Variants in TADA1 observed in about 807,000 individuals in gnomAD.
The protein encoded by TADA1 is transcriptional adapter 1.
Under a neutral mutation model 39.3 loss-of-function variants are expected in TADA1, and 23 were observed. That is an observed-to-expected ratio of 0.58 (90% CI 0.42 to 0.83). The LOEUF is 0.83. Among genes scored for constraint, TADA1 ranks in the 40% least tolerant of loss-of-function variants. TADA1 has a pLI of 0.00. For missense variants in TADA1, 352 were observed against 408.1 expected, an observed-to-expected ratio of 0.86 and a Z score of 1.18; for synonymous variants, 137 against 151.8, an observed-to-expected ratio of 0.90 and a Z score of 0.72.
In TADA1 at chr1:166,857,529, A is replaced by G. The variant is rs187909451; in HGVS notation, c.*38T>C. On this transcript the variant is annotated 3_prime_UTR_variant, in exon 8 of 8. Transcript: ENST00000367874. ...AAAAACATTCAATTTTCAGTAATCA[A>G]TGAATTCGGTGAGGGTCCCACACCC... 2.9e-5 allele frequency: 47 copies of G among 1,606,928 alleles called. No individual in the cohort carries two copies. The African/African-American group carries it at 5.5e-4, about 19-fold the overall frequency.
chr1:166,869,260 TAA>T (rs960632138), intron 3 of TADA1, 183 bp downstream of exon 3: 10 of 534,994 alleles, frequency 1.9e-5, no homozygotes, highest in Non-Finnish European at 3.4e-5. Context: ...TTCTTAAAAA[TAA>T]AGAGTTTCTG....
intron 7 of TADA1, among the ~76,000 whole-genome samples, 190 bp from the exon 8 acceptor site, chr1:166,857,909 AT>A (rs888187165): frequency 6.6e-6 from 1 of 152,182 alleles, no homozygotes; most frequent in East Asian, 1.9e-4. Context: ...AGAACAAGGG[AT>A]TTTTTTTCTT....
intron 1 of TADA1, among the ~76,000 whole-genome samples, chr1:166,872,723 A>G (rs2101796885): frequency 6.6e-6 from 1 of 151,916 alleles, no homozygotes; most frequent in East Asian, 1.9e-4. Context: ...TTCACCTTCC[A>G]CCATGAGTGA....
In TADA1 at chr1:166,857,993, T is replaced by A. The variant is rs1453574168; in HGVS notation, c.855+126A>T. 12 of 1,259,356 alleles carry A rather than the reference T, an allele frequency of 9.5e-6. No individual in the cohort carries two copies. In the African/African-American group the frequency reaches 1.8e-4, roughly 19 times the overall value. The allele number at this position is 1,259,356 out of a possible 1,614,324, so 78.0% of individuals were successfully genotyped here. A position where few individuals can be genotyped will look rare whatever the true frequency, so the allele number is the denominator to read the frequency against. On this transcript the variant is annotated intron_variant, in intron 7 of 7. Coordinates refer to ENST00000367874, the MANE Select transcript of TADA1 (RefSeq NM_053053.4). ...TGAGGCTAGTATTAATAACGGCTTT[T>A]ATAACAGACAAAACTGAAAAACACA...
At chr1:166,863,269 ATAAT>A (rs1037547251) in intron 4 of TADA1, 6 of 153,246 alleles carry the variant, frequency 3.9e-5, no homozygotes, top group African/African-American at 7.2e-5. Flanking sequence ...GTGAAAATAA[ATAAT>A]TGTTTATTGA....
Position 166,857,506 on chromosome 1 carries a change from A to G in TADA1, c.*61T>C. 1 of 1,593,940 alleles carries G rather than the reference A, an allele frequency of 6.3e-7. No individual in the cohort carries two copies. Among genetic ancestry groups the G allele is most frequent in the Non-Finnish European group, 8.6e-7 (1 of 1,168,998 alleles). On this transcript the variant is annotated 3_prime_UTR_variant, in exon 8 of 8. Transcript: ENST00000367874. Reference sequence around the variant, plus strand: ...TTCAGCCTTGAAATGTGGACCCAAAAAACATTCAATTTTCAGTAATCAATG... The same window carrying G: ...TTCAGCCTTGAAATGTGGACCCAAAGAACATTCAATTTTCAGTAATCAATG...
intron 6 of TADA1, among the ~76,000 whole-genome samples, chr1:166,858,807 A>G (rs1658343620): frequency 6.6e-6 from 1 of 152,260 alleles, no homozygotes; most frequent in Non-Finnish European, 1.5e-5. Context: ...GGACGTATCT[A>G]GAGGTAAAAC....
intron 7 of TADA1, 100 bp from the exon 8 acceptor site, chr1:166,857,819 TAA>T (rs1658315119): frequency 7.5e-7 from 1 of 1,331,724 alleles, no homozygotes; most frequent in African/African-American, 1.5e-5. Flanking sequence ...ACACAATCTA[TAA>T]ACTTTCAGTC....
chr1:166,867,220 C>G (rs1006456847), intron 3 of TADA1, among the ~76,000 whole-genome samples: 1 of 152,140 alleles, frequency 6.6e-6, no homozygotes, highest in African/African-American at 2.4e-5. Flanking sequence ...TCTTATCAAC[C>G]AGGGTTTTTA....
At chr1:166,858,469 C>T (rs1658334820) in intron 6 of TADA1, among the ~76,000 whole-genome samples, 188 bp from the exon 7 acceptor site, 1 of 152,170 alleles carries the variant, frequency 6.6e-6, no homozygotes, top group Non-Finnish European at 1.5e-5. Flanking sequence ...CATAATACAA[C>T]TATATTTACC....
chr1:166,860,452 G>A (rs976214828), intron 5 of TADA1, 115 bp from the exon 6 acceptor site: 14 of 1,003,150 alleles, frequency 1.4e-5, no homozygotes, highest in African/African-American at 3.3e-5. Context: ...GAATAGGTTA[G>A]TATATGCTAG....
rs1281279167 is a variant in TADA1, at chr1:166,873,624, C to T, written c.74+2536G>A. 2.6e-5 allele frequency among the ~76,000 whole-genome samples: 4 copies of T among 151,858 alleles called. No homozygotes were observed. In the East Asian group the frequency reaches 5.8e-4, roughly 22 times the overall value. On this transcript the variant is annotated intron_variant, in intron 1 of 7. Transcript: ENST00000367874. ...TACAAGAGTATTACTGACTATTTAA[C>T]CCAGAGGTACTTTTTAAGGAGAAGG...
intron 3 of TADA1, 34 bp from the exon 4 acceptor site, chr1:166,863,955 A>C: frequency 1.3e-6 from 2 of 1,543,600 alleles, no homozygotes; most frequent in Non-Finnish European, 1.8e-6. Context: ...ATAAGTAAAA[A>C]TAATGACAAC....
intron 5 of TADA1, 72 bp from the exon 6 acceptor site, chr1:166,860,409 A>C (rs1214564310): frequency 3.5e-6 from 5 of 1,445,674 alleles, no homozygotes. Context: ...CCACTGACCA[A>C]AAAACATTTA....
intron 3 of TADA1, among the ~76,000 whole-genome samples, chr1:166,867,921 G>A (rs1275241011): frequency 6.6e-6 from 1 of 152,016 alleles, no homozygotes; most frequent in African/African-American, 2.4e-5. Flanking sequence ...AGAGAGAGAG[G>A]ATTAAAAAAT....
At chr1:166,862,463 A>T (rs1177104839) in intron 4 of TADA1, 51 bp from the exon 5 acceptor site, 8 of 1,471,524 alleles carry the variant, frequency 5.4e-6, no homozygotes, top group Non-Finnish European at 7.5e-6. Flanking sequence ...AGCAAACAAG[A>T]CACAAAGTAA....
chr1:166,871,902 A>G (rs1658669026), intron 1 of TADA1, among the ~76,000 whole-genome samples: 1 of 152,252 alleles, frequency 6.6e-6, no homozygotes, highest in Non-Finnish European at 1.5e-5. Context: ...CTATGTCAGT[A>G]TTTTATAAGA....
rs146818530 is a variant in TADA1 at position 166,861,288 on chromosome 1, T to C, written c.540+915A>G. ...AATTATACCAAGGAAAATCCACTTATATCAAGACATTATTGTACTATTTAA... is the reference window on the plus strand; with the variant it reads ...AATTATACCAAGGAAAATCCACTTACATCAAGACATTATTGTACTATTTAA... On this transcript the variant is annotated intron_variant, in intron 5 of 7. Transcript: ENST00000367874. Among the ~76,000 whole-genome samples, 651 of 152,290 alleles carry C rather than the reference T, an allele frequency of 4.3e-3. 5 individuals are homozygous for C. Among genetic ancestry groups the C allele is most frequent in the African/African-American group, 0.015 (606 of 41,550 alleles).
intron 3 of TADA1, among the ~76,000 whole-genome samples, chr1:166,865,095 A>AT (rs1162481178): frequency 7.8e-6 from 1 of 128,452 alleles, no homozygotes. Flanking sequence ...AAAAATAAAA[A>AT]TAAAAAAAAA....
Sources: gnomAD v4.1 joint callset for allele counts (sites outside exome capture counted in the v4.1 genomes callset) on GRCh38, gnomAD v4.1.1 for gene constraint, MANE v1.5 for transcripts, NCBI Gene and HGNC (gene_info 2026-07-23, HGNC 2026-07-21) for gene names.